Variants in C2orf76 observed in about 807,000 individuals in gnomAD.
C2orf76 encodes the protein chromosome 2 open reading frame 76, also known as UPF0538 protein C2orf76.
A neutral mutation model predicts 16.9 loss-of-function variants in C2orf76; 23 were observed. The observed-to-expected ratio is 1.36, with a 90% CI of 0.98 to 1.93. The LOEUF (loss-of-function observed/expected upper bound fraction) is 1.93, where lower values mean the gene tolerates loss of function less well. C2orf76 is among the 30% of genes most tolerant of loss of function. C2orf76 has a pLI of 0.00. For synonymous variants in C2orf76, 48 were observed against 52.3 expected (o/e 0.92, Z 0.35); for missense variants, 152 against 152.6 (o/e 1.00, Z 0.02).
chr2:119,339,719 G>A, intron 2 of C2orf76, 108 bp downstream of exon 2: 1 of 1,263,362 alleles, frequency 7.9e-7, no homozygotes, highest in Admixed American at 2.1e-5. Flanking sequence ...TTGGAACCCA[G>A]GTTAATCTTT....
rs1038598529 is a variant in C2orf76, at chr2:119,343,553, C to T, written c.-12-3582G>A. On this transcript the variant is annotated intron_variant, in intron 1 of 5. Transcript: ENST00000334816. The stretch of plus-strand genomic sequence containing the variant: ...GAATGCAGCCCAGTGTCCCTAAGAA[C>T]CTAGAGTTGAACAGATTTAACTTAA... Among the ~76,000 whole-genome samples, 8 of 151,756 alleles carry T rather than the reference C, an allele frequency of 5.3e-5. No homozygotes were observed. The South Asian group carries it at 1.7e-3, about 32-fold the overall frequency.
chr2:119,294,704 C>T, the C2orf76 span, among the ~76,000 whole-genome samples: 7 of 152,050 alleles, frequency 4.6e-5, no homozygotes, highest in Non-Finnish European at 1.5e-5. Flanking sequence ...ACCTGGAGAG[C>T]GAGCGGAACT....
At chr2:119,333,204 A>G (rs933397988) in intron 2 of C2orf76, among the ~76,000 whole-genome samples, 6 of 152,230 alleles carry the variant, frequency 3.9e-5, no homozygotes, top group African/African-American at 1.4e-4. Context: ...ACATTATTGT[A>G]TTCCTTTCAA....
chr2:119,331,495 A>G (rs771137579), intron 2 of C2orf76, among the ~76,000 whole-genome samples: 6 of 152,172 alleles, frequency 3.9e-5, no homozygotes, highest in Non-Finnish European at 5.9e-5. Context: ...CACACTCTGC[A>G]TATCTTCAAA....
intron 1 of C2orf76, among the ~76,000 whole-genome samples, chr2:119,342,301 T>A (rs569665226): frequency 1.4e-4 from 21 of 152,162 alleles, no homozygotes; most frequent in Admixed American, 3.9e-4. Context: ...ATAAACATAG[T>A]CTTTATTTCG....
chr2:119,284,864 A>G, the C2orf76 span, among the ~76,000 whole-genome samples: 5 of 152,172 alleles, frequency 3.3e-5, no homozygotes, highest in Non-Finnish European at 7.4e-5. Flanking sequence ...TAAGATTTGA[A>G]TATCTATAGG....
intron 1 of C2orf76, among the ~76,000 whole-genome samples, chr2:119,341,473 C>T (rs1680027877): frequency 6.6e-6 from 1 of 152,128 alleles, no homozygotes; most frequent in African/African-American, 2.4e-5. Flanking sequence ...AGTACTGTGC[C>T]CACAGATACA....
chr2:119,333,125 C>T (rs1464698042), intron 2 of C2orf76, among the ~76,000 whole-genome samples: 1 of 152,160 alleles, frequency 6.6e-6, no homozygotes, highest in Non-Finnish European at 1.5e-5. Context: ...CAAAGCATTG[C>T]CTTAACAGTA....
intron 4 of C2orf76, among the ~76,000 whole-genome samples, chr2:119,317,160 T>C (rs1032356925): frequency 6.6e-6 from 1 of 152,208 alleles, no homozygotes; most frequent in Non-Finnish European, 1.5e-5. Flanking sequence ...GCAGTTTCTT[T>C]TATCTGTAAA....
chr2:119,302,844 A>G (rs1678657413), intron 5 of C2orf76, among the ~76,000 whole-genome samples: 1 of 152,196 alleles, frequency 6.6e-6, no homozygotes, highest in South Asian at 2.1e-4. Context: ...AGGAAATCAT[A>G]AAATTGCTCA....
chr2:119,363,423 C>CAA (rs561547022), intron 1 of C2orf76, among the ~76,000 whole-genome samples: 2 of 95,296 alleles, frequency 2.1e-5, no homozygotes, highest in African/African-American at 7.7e-5. Context: ...GACTCTGTCT[C>CAA]AAAAAAAAAA....
intron 2 of C2orf76, among the ~76,000 whole-genome samples, chr2:119,323,919 G>A (rs1434962101): frequency 1.3e-5 from 2 of 152,150 alleles, no homozygotes; most frequent in Admixed American, 6.5e-5. Context: ...TAGGCCAAAA[G>A]AAACCTCTCT....
chr2:119,333,193 C>G, intron 2 of C2orf76, among the ~76,000 whole-genome samples: 1 of 152,102 alleles, frequency 6.6e-6, no homozygotes, highest in Non-Finnish European at 1.5e-5. Flanking sequence ...GTGCTGCAGC[C>G]ACATTATTGT....
At chr2:119,295,538 T>C in the C2orf76 span, among the ~76,000 whole-genome samples, 1 of 152,134 alleles carries the variant, frequency 6.6e-6, no homozygotes, top group Admixed American at 6.5e-5. Context: ...CCCTGCCACT[T>C]GCCTTAGTCC....
chr2:119,357,597 C>CAAA (rs56672129), intron 1 of C2orf76, among the ~76,000 whole-genome samples: 6 of 123,002 alleles, frequency 4.9e-5, no homozygotes, highest in Non-Finnish European at 5.2e-5. Context: ...AAAAACAAAC[C>CAAA]AAAAAAAAAA....
chr2:119,351,478 C>T (rs1000438152), intron 1 of C2orf76, among the ~76,000 whole-genome samples: 10 of 152,102 alleles, frequency 6.6e-5, no homozygotes, highest in African/African-American at 1.2e-4. Context: ...CGACTGGGCA[C>T]GGTGGCTCAC....
At chr2:119,345,938 G>A (rs936824241) in intron 1 of C2orf76, among the ~76,000 whole-genome samples, 2 of 151,276 alleles carry the variant, frequency 1.3e-5, no homozygotes. Flanking sequence ...GCGGGCGCCT[G>A]TAGCTACTCA....
Position 119,303,500 on chromosome 2 carries a change from CAATTA to C in C2orf76, c.305-957_305-953del, listed in dbSNP as rs571566529. ...TTATTCGTAATGCATACTGAGCACTCAATTAACATACTCTCTAAAAACAGACAAGT... is the reference window on the plus strand; with the variant it reads ...TTATTCGTAATGCATACTGAGCACTCACATACTCTCTAAAAACAGACAAGT... On this transcript the variant is annotated intron_variant, in intron 5 of 5. Transcript: ENST00000334816. 1.5e-4 allele frequency among the ~76,000 whole-genome samples: 23 copies of C among 152,286 alleles called. No homozygotes were observed. In the East Asian group the frequency reaches 4.4e-3, roughly 29 times the overall value.
At chr2:119,315,619 T>A (rs1358227011) in intron 4 of C2orf76, among the ~76,000 whole-genome samples, 2 of 152,212 alleles carry the variant, frequency 1.3e-5, no homozygotes, top group African/African-American at 4.8e-5. Flanking sequence ...AACTCTTCCC[T>A]TAGAAAAGTT....
Sources: gnomAD v4.1 joint callset for allele counts (sites outside exome capture counted in the v4.1 genomes callset) on GRCh38, gnomAD v4.1.1 for gene constraint, MANE v1.5 for transcripts, NCBI Gene and HGNC (gene_info 2026-07-23, HGNC 2026-07-21) for gene names.